Variants in LYPLA2 observed in about 807,000 individuals in gnomAD.
The protein encoded by LYPLA2 is lysophospholipase 2.
In LYPLA2, 7 loss-of-function variants were observed where a neutral mutation model predicts 30.3. The ratio of observed to expected loss-of-function variants is 0.23; its 90% CI spans 0.13 to 0.43. LYPLA2 has a LOEUF of 0.43. Among genes scored for constraint, LYPLA2 ranks in the 20% least tolerant of loss-of-function variants. The pLI is 1.00. For synonymous variants in LYPLA2, 112 were observed against 118.2 expected (o/e 0.95, Z 0.34); for missense variants, 206 against 307.9 (o/e 0.67, Z 2.48).
rs1638898283 is a variant in LYPLA2 at position 23,794,891 on chromosome 1, G to A, written c.*159G>A. ...GGGGCAGGTGGCAAGGCCTGGCCGG[G>A]CCTTCCTTCCTGGCCTTAGCCACCT... On this transcript the variant is annotated 3_prime_UTR_variant, in exon 10 of 10. Coordinates refer to ENST00000374514, the MANE Select transcript of LYPLA2 (RefSeq NM_007260.3). This position sits in a 1 kb window ranked among gnomAD's most constrained non-coding sequence, Gnocchi z 5.9. 3.5e-6 allele frequency: 3 copies of A among 861,636 alleles called. No individual in the cohort carries two copies. The Admixed American group carries it at 6.0e-5, about 17-fold the overall frequency. 53.4% of individuals were successfully genotyped at this position (861,636 alleles called of 1,614,324 possible).
At chr1:23,792,104 G>C (rs1277341019) in intron 1 of LYPLA2, 5 of 152,018 alleles carry the variant, frequency 3.3e-5, no homozygotes, top group Admixed American at 3.3e-4. Flanking sequence ...AGCCCCCTGG[G>C]GGTCTGGGAA....
rs1262158217 is a variant in LYPLA2 at position 23,793,489 on chromosome 1, G to T, written c.177-216G>T. On this transcript the variant is annotated intron_variant, in intron 4 of 9. Transcript: ENST00000374514. This position sits in a 1 kb window ranked among gnomAD's most constrained non-coding sequence, Gnocchi z 6.0. ...GTACTCACCGACTACCTGGGACCCC[G>T]TCACACCAAGCGCTGGGCTCTGCTT... Among the ~76,000 whole-genome samples the T allele has an allele frequency of 6.6e-6, 1 of 152,116 alleles. No individual in the cohort carries two copies. The highest frequency in any genetic ancestry group is 2.4e-5 in the African/African-American group (1 of 41,424).
At chr1:23,792,783 G>C (rs764720606) in intron 2 of LYPLA2, 23 bp downstream of exon 2, 1 of 1,589,506 alleles carries the variant, frequency 6.3e-7, no homozygotes, top group Non-Finnish European at 8.6e-7. Flanking sequence ...TTTCACCCAC[G>C]GCCAGACACT....
rs2232977 is a variant in LYPLA2, at chr1:23,792,637, C to T, written c.-26-20C>T. ...TCCTGTGCCTGGTTTTGCTCTTGAC[C>T]GCCGCCCCGATGTATGCAGGCCCCC... On this transcript the variant is annotated intron_variant, in intron 1 of 9. Transcript: ENST00000374514. The T allele has an allele frequency of 1.4e-3, 2,192 of 1,560,034 alleles. 27 individuals carry two copies. In the African/African-American group the frequency reaches 0.024, roughly 17 times the overall value.
rs1411136433 is a variant in LYPLA2, at chr1:23,793,615, C to T, written c.177-90C>T. The T allele has an allele frequency of 7.3e-6, 10 of 1,360,590 alleles. No individual in the cohort carries two copies. The highest frequency in any genetic ancestry group is 1.1e-5 in the Non-Finnish European group (10 of 950,254). 84.3% of individuals were successfully genotyped at this position (1,360,590 alleles called of 1,614,324 possible). A position where few individuals can be genotyped will look rare whatever the true frequency, so the allele number is the denominator to read the frequency against. On this transcript the variant is annotated intron_variant, in intron 4 of 9. Transcript: ENST00000374514. This position sits in a 1 kb window ranked among gnomAD's most constrained non-coding sequence, Gnocchi z 6.0. Reference sequence around the variant, plus strand: ...AGGCCCTGCCTGCTGGGAGGGGCCACCAGGGGCGGCGCGGCCCCACTCCGG... The same window carrying T: ...AGGCCCTGCCTGCTGGGAGGGGCCATCAGGGGCGGCGCGGCCCCACTCCGG...
In LYPLA2 at chr1:23,791,190, T is replaced by G. The variant is rs933500161; in HGVS notation, c.-87T>G. On this transcript the variant is annotated 5_prime_UTR_variant, in exon 1 of 10. Coordinates refer to ENST00000374514, the MANE Select transcript of LYPLA2 (RefSeq NM_007260.3). ...GGCGGGGGCGGCCGAGGGGGAAGAGTGTGTCTGCGGGAGAAAGAGGAGAAT... is the reference window on the plus strand; with the variant it reads ...GGCGGGGGCGGCCGAGGGGGAAGAGGGTGTCTGCGGGAGAAAGAGGAGAAT... 1 of 148,800 alleles carries G rather than the reference T, an allele frequency of 6.7e-6. No individual in the cohort carries two copies. The highest frequency in any genetic ancestry group is 2.5e-5 in the African/African-American group (1 of 39,868). 9.2% of individuals were successfully genotyped at this position (148,800 alleles called of 1,614,324 possible). A position where few individuals can be genotyped will look rare whatever the true frequency, so the allele number is the denominator to read the frequency against.
At position 23,794,307 on chromosome 1, in the gene LYPLA2, G is replaced by A; in HGVS notation, c.453G>A (p.Leu151=). The change falls in exon 8 of 10, where the codon CTG becomes CTA. Residue 151 remains leucine (L), a synonymous_variant. Coordinates refer to ENST00000374514, the MANE Select transcript of LYPLA2 (RefSeq NM_007260.3). The surrounding 1 kb of genome is among the most constrained non-coding windows in gnomAD (Gnocchi z 5.9). ...GIVALSCWLP[L]HRAFPQAANG... ...TGGCGTTGAGCTGCTGGCTGCCTCT[G>A]CACCGGGCCTTCCCCCAGGTGAATG... is the stretch of plus-strand genomic sequence containing the variant. The A allele has an allele frequency of 6.2e-7, 1 of 1,612,646 alleles. No individual in the cohort carries two copies. The highest frequency in any genetic ancestry group is 1.1e-5 in the South Asian group (1 of 90,998).
chr1:23,794,592 T>A lies in LYPLA2; in HGVS notation c.637T>A (p.Cys213Ser). ...ATACCCGGGTGTCATGCACAGCTCC[T>A]GTCCTCAGGTCAGTGGGGGGACCAT... The part of the protein sequence containing the change: ...KTYPGVMHSS[C>S]PQEMAAVKEF... Residue 213 changes from cysteine to serine, a missense_variant, in exon 9 of 10, where the codon TGT becomes AGT. Cys to Ser is a moderately radical substitution (Grantham distance 112). Transcript: ENST00000374514. The surrounding 1 kb of genome is among the most constrained non-coding windows in gnomAD (Gnocchi z 5.9). 1 of 1,614,140 alleles carries A rather than the reference T, an allele frequency of 6.2e-7. No individual in the cohort carries two copies. Among genetic ancestry groups the A allele is most frequent in the Non-Finnish European group, 8.5e-7 (1 of 1,179,988 alleles).
At position 23,793,747 on chromosome 1, in the gene LYPLA2, C is replaced by G. The variant is rs1200368911; in HGVS notation, c.219C>G (p.Pro73=). 1 of 1,614,078 alleles carries G rather than the reference C, an allele frequency of 6.2e-7. No homozygotes were observed. Among genetic ancestry groups the G allele is most frequent in the South Asian group, 1.1e-5 (1 of 91,078 alleles). Residue 73 remains proline (P), a synonymous_variant, in exon 5 of 10, where the codon CCC becomes CCG. Coordinates refer to ENST00000374514, the MANE Select transcript of LYPLA2 (RefSeq NM_007260.3). The surrounding 1 kb of genome is among the most constrained non-coding windows in gnomAD (Gnocchi z 6.0). ...CCCTCAACATGAAGATGGTGATGCC[C>G]TCCTGGTGAGTTTGGGAGTGGGGGT... ...PVTLNMKMVM[P]SWFDLMGLSP...
In LYPLA2 at chr1:23,794,971, G is replaced by C. The variant is rs1638900760; in HGVS notation, c.*239G>C. On this transcript the variant is annotated 3_prime_UTR_variant, in exon 10 of 10. Transcript: ENST00000374514. The surrounding 1 kb of genome is among the most constrained non-coding windows in gnomAD (Gnocchi z 5.9). ...TTCTTATCCATTTCCCTGGAGGCGG[G>C]CCCCCCTGGCAGCAGTATTGGAGGG... The C allele has an allele frequency of 1.5e-6, 1 of 688,138 alleles. No individual in the cohort carries two copies. Among genetic ancestry groups the C allele is most frequent in the Admixed American group, 2.0e-5 (1 of 49,414 alleles). The allele number at this position is 688,138 out of a possible 1,614,324, so 42.6% of individuals were successfully genotyped here.
At chr1:23,792,607 G>A in intron 1 of LYPLA2, 50 bp from the exon 2 acceptor site, 1 of 1,175,564 alleles carries the variant, frequency 8.5e-7, no homozygotes, top group Non-Finnish European at 1.3e-6. Context: ...TGGGCCAGGA[G>A]TGTGTCCTGT....
At position 23,793,762 on chromosome 1, in the gene LYPLA2, G is replaced by C. The variant is rs527510695; in HGVS notation, c.224+10G>C. 20 of 1,614,048 alleles carry C rather than the reference G, an allele frequency of 1.2e-5. No homozygotes were observed. In the East Asian group the frequency reaches 3.8e-4, roughly 31 times the overall value. ...TGGTGATGCCCTCCTGGTGAGTTTG[G>C]GAGTGGGGGTGGGCAGGGGGACGAG... On this transcript the variant is annotated intron_variant, in intron 5 of 9. Coordinates refer to ENST00000374514, the MANE Select transcript of LYPLA2 (RefSeq NM_007260.3). This position sits in a 1 kb window ranked among gnomAD's most constrained non-coding sequence, Gnocchi z 6.0.
In LYPLA2 at chr1:23,793,153, A is replaced by G; in HGVS notation, c.113A>G (p.His38Arg). The G allele has an allele frequency of 6.2e-7, 1 of 1,613,980 alleles. No homozygotes were observed. Among genetic ancestry groups the G allele is most frequent in the Non-Finnish European group, 8.5e-7 (1 of 1,179,906 alleles). The change falls in exon 4 of 10, where the codon CAC becomes CGC. Residue 38 changes from histidine (H) to arginine (R), a missense_variant and splice_region_variant. Transcript: ENST00000374514. The surrounding 1 kb of genome is among the most constrained non-coding windows in gnomAD (Gnocchi z 6.0). ...IFLHGLGDTG[H>R]SWADALSTIR... Reference sequence around the variant, plus strand: ...CTTTTCTCCCGTCCCTCCTACAGGCACAGCTGGGCTGACGCCCTCTCCACC... The same window carrying G: ...CTTTTCTCCCGTCCCTCCTACAGGCGCAGCTGGGCTGACGCCCTCTCCACC...
At chr1:23,792,407 A>G in intron 1 of LYPLA2, 1 of 480,404 alleles carries the variant, frequency 2.1e-6, no homozygotes, top group Non-Finnish European at 3.7e-6. Context: ...GTCTCCAGCA[A>G]GCTCAGGTCC....
Position 23,793,681 on chromosome 1 carries a change from G to A in LYPLA2, c.177-24G>A, listed in dbSNP as rs1638849187. ...CTCCTCATTCCTCCTGAGCATGATG[G>A]GCCCTCTGGCTCTCTTTCCCCAGGC... On this transcript the variant is annotated intron_variant, in intron 4 of 9. Coordinates refer to ENST00000374514, the MANE Select transcript of LYPLA2 (RefSeq NM_007260.3). The surrounding 1 kb of genome is among the most constrained non-coding windows in gnomAD (Gnocchi z 6.0). The A allele has an allele frequency of 6.2e-7, 1 of 1,613,202 alleles. No individual in the cohort carries two copies. Among genetic ancestry groups the A allele is most frequent in the Non-Finnish European group, 8.5e-7 (1 of 1,179,148 alleles).
At position 23,793,623 on chromosome 1, in the gene LYPLA2, GGC is replaced by G; in HGVS notation, c.177-78_177-77del. 2 of 1,422,534 alleles carry G rather than the reference GGC, an allele frequency of 1.4e-6. No individual in the cohort carries two copies. Among genetic ancestry groups the G allele is most frequent in the Admixed American group, 1.7e-5 (1 of 59,630 alleles). 88.1% of individuals were successfully genotyped at this position (1,422,534 alleles called of 1,614,324 possible). A position where few individuals can be genotyped will look rare whatever the true frequency, so the allele number is the denominator to read the frequency against. On this transcript the variant is annotated intron_variant, in intron 4 of 9. Transcript: ENST00000374514. The surrounding 1 kb of genome is among the most constrained non-coding windows in gnomAD (Gnocchi z 6.0). ...CCTGCTGGGAGGGGCCACCAGGGGCGGCGCGGCCCCACTCCGGGCTCTGAGCT... is the reference window on the plus strand; with the variant it reads ...CCTGCTGGGAGGGGCCACCAGGGGCGGCGGCCCCACTCCGGGCTCTGAGCT...
chr1:23,794,057 C>G lies in LYPLA2; in HGVS notation c.296-6C>G. ...TCCCTCTACCCACTCATGCCCCCTC[C>G]CCCAGTCAAGGCCTTGATTGAGCAT... On this transcript the variant is annotated splice_polypyrimidine_tract_variant and splice_region_variant and intron_variant, in intron 6 of 9. Transcript: ENST00000374514. This position sits in a 1 kb window ranked among gnomAD's most constrained non-coding sequence, Gnocchi z 5.9. The G allele has an allele frequency of 6.2e-7, 1 of 1,613,378 alleles. No individual in the cohort carries two copies. The highest frequency in any genetic ancestry group is 2.2e-5 in the East Asian group (1 of 44,868).
At position 23,794,031 on chromosome 1, in the gene LYPLA2, T is replaced by G; in HGVS notation, c.296-32T>G. 6.2e-7 allele frequency: 1 copy of G among 1,607,302 alleles called. No individual in the cohort carries two copies. The highest frequency in any genetic ancestry group is 1.1e-5 in the South Asian group (1 of 90,934). On this transcript the variant is annotated intron_variant, in intron 6 of 9. Coordinates refer to ENST00000374514, the MANE Select transcript of LYPLA2 (RefSeq NM_007260.3). This position sits in a 1 kb window ranked among gnomAD's most constrained non-coding sequence, Gnocchi z 5.9. ...CTCCCTTATTGGGCCCCTTGGCAGCTTCCCTCTACCCACTCATGCCCCCTC... is the reference window on the plus strand; with the variant it reads ...CTCCCTTATTGGGCCCCTTGGCAGCGTCCCTCTACCCACTCATGCCCCCTC...
Position 23,794,100 on chromosome 1 carries a change from C to T in LYPLA2, c.333C>T (p.Ile111=), listed in dbSNP as rs780301557. 6.2e-7 allele frequency: 1 copy of T among 1,613,430 alleles called. No homozygotes were observed. Among genetic ancestry groups the T allele is most frequent in the African/African-American group, 1.3e-5 (1 of 74,788 alleles). ...TTGAGCATGAAATGAAGAACGGGAT[C>T]CCTGCCAATCGAATCGTCCTGGGAG... ...ALIEHEMKNG[I]PANRIVLGGF... is the part of the protein sequence containing the mutation. Residue 111 remains isoleucine, a synonymous_variant, in exon 7 of 10, where the codon ATC becomes ATT. Transcript: ENST00000374514. The surrounding 1 kb of genome is among the most constrained non-coding windows in gnomAD (Gnocchi z 5.9).
Sources: allele counts gnomAD v4.1 joint callset (sites outside exome capture counted in the v4.1 genomes callset), GRCh38; gene constraint gnomAD v4.1.1; non-coding constraint Gnocchi (gnomAD v3.1); transcripts MANE v1.5; gene names NCBI Gene and HGNC (gene_info 2026-07-23, HGNC 2026-07-21).